Variants in ADAMTS12 observed in about 807,000 individuals in gnomAD.
ADAMTS12 encodes the protein ADAM metallopeptidase with thrombospondin type 1 motif 12, also known as A disintegrin and metalloproteinase with thrombospondin motifs 12.
Under a neutral mutation model 167.8 loss-of-function variants are expected in ADAMTS12, and 118 were observed. The ratio of observed to expected loss-of-function variants is 0.70; its 90% confidence interval spans 0.61 to 0.82. The LOEUF is 0.82. Ranked by LOEUF, ADAMTS12 falls within the 40% of genes least tolerant of loss-of-function variation. The pLI is 0.00. For missense variants in ADAMTS12, 1,916 were observed against 1,998.8 expected, an observed-to-expected ratio of 0.96 and a Z score of 0.79; for synonymous variants, 704 against 716.9, an observed-to-expected ratio of 0.98 and a Z score of 0.29.
chr5:33,760,879 CTGTG>C (rs61110268), intron 2 of ADAMTS12, among the ~76,000 whole-genome samples: 84,064 of 145,334 alleles, frequency 0.58, 24,867 homozygotes, highest in Non-Finnish European at 0.67. Context: ...TGTCTTTGCT[CTGTG>C]TGTGTGTGTG....
intron 3 of ADAMTS12, among the ~76,000 whole-genome samples, chr5:33,710,068 T>G (rs1467159490): frequency 6.6e-6 from 1 of 152,154 alleles, no homozygotes; most frequent in Non-Finnish European, 1.5e-5. Flanking sequence ...TAAAATTGTG[T>G]GTCTTAGTCC....
At chr5:33,614,429 C>A in intron 15 of ADAMTS12, 53 bp from the exon 16 acceptor site, 1 of 1,595,388 alleles carries the variant, frequency 6.3e-7, no homozygotes, top group Non-Finnish European at 8.6e-7. Context: ...ATACCATAAG[C>A]CAGTCATGTA....
chr5:33,891,436 G>A, intron 1 of ADAMTS12: 1 of 364,474 alleles, frequency 2.7e-6, no homozygotes, highest in African/African-American at 2.1e-5. Flanking sequence ...TCAAAGAGGA[G>A]ACAAAAGAGA....
chr5:33,619,975 GA>G (rs1237264109), intron 14 of ADAMTS12, among the ~76,000 whole-genome samples: 15 of 152,184 alleles, frequency 9.9e-5, no homozygotes, highest in Middle Eastern at 3.2e-3. Flanking sequence ...TTACAGGCGT[GA>G]GCCACTGCAT....
intron 3 of ADAMTS12, among the ~76,000 whole-genome samples, chr5:33,724,383 A>C (rs114971927): frequency 1.3e-5 from 2 of 151,904 alleles, no homozygotes; most frequent in African/African-American, 4.8e-5. Context: ...CCTTTATTTA[A>C]TTATGCTAAA....
intron 20 of ADAMTS12, among the ~76,000 whole-genome samples, chr5:33,560,304 A>G (rs75576577): frequency 1.3e-5 from 2 of 151,286 alleles, no homozygotes; most frequent in East Asian, 1.9e-4. Context: ...AGAAAGGTAG[A>G]AAAAAAAACA....
At chr5:33,704,076 T>C (rs1743100153) in intron 3 of ADAMTS12, among the ~76,000 whole-genome samples, 1 of 152,238 alleles carries the variant, frequency 6.6e-6, no homozygotes, top group Non-Finnish European at 1.5e-5. Flanking sequence ...CAAACTTCTT[T>C]ACGCAGCTTA....
intron 5 of ADAMTS12, among the ~76,000 whole-genome samples, chr5:33,676,707 C>CAGAGAGAGAG (rs66523760): frequency 6.7e-6 from 1 of 149,020 alleles, no homozygotes; most frequent in African/African-American, 2.5e-5. Context: ...CACACACACA[C>CAGAGAGAGAG]AGAGAGAGAG....
At chr5:33,874,439 G>A (rs35138788) in intron 2 of ADAMTS12, among the ~76,000 whole-genome samples, 3,882 of 152,244 alleles carry the variant, frequency 0.025, 163 homozygotes, top group East Asian at 0.2. Flanking sequence ...CCAAATGCTG[G>A]CAAAGATATG....
chr5:33,763,956 C>T (rs902023784), intron 2 of ADAMTS12, among the ~76,000 whole-genome samples: 8 of 152,116 alleles, frequency 5.3e-5, no homozygotes, highest in African/African-American at 1.7e-4. Flanking sequence ...ACAGGGAATG[C>T]ATACTTGATA....
intron 2 of ADAMTS12, among the ~76,000 whole-genome samples, chr5:33,879,060 C>A (rs1362759068): frequency 2.0e-5 from 3 of 152,138 alleles, no homozygotes; most frequent in African/African-American, 7.2e-5. Flanking sequence ...ATATAGGTTT[C>A]TTTGTGGGCT....
rs16891281 is a variant in ADAMTS12, at chr5:33,527,202, A to G, written c.4771T>C (p.Ser1591Pro). The G allele has an allele frequency of 0.012, 19,968 of 1,613,842 alleles. 2,162 individuals carry two copies. In the African/African-American group the frequency reaches 0.23, roughly 19 times the overall value. ...RQRRQRLLQK[S>P]KEL ...TCCTTTTGGGCTTAGAGTTCTTTTGACTTTTGGAGCAACCGTTGCCTTCTT... is the reference window on the plus strand; with the variant it reads ...TCCTTTTGGGCTTAGAGTTCTTTTGGCTTTTGGAGCAACCGTTGCCTTCTT... Residue 1591 changes from serine (S) to proline (P), a missense_variant, in exon 24 of 24, where the codon TCA becomes CCA. Transcript: ENST00000504830.
intron 2 of ADAMTS12, among the ~76,000 whole-genome samples, chr5:33,810,319 C>G (rs1437613818): frequency 6.6e-6 from 1 of 152,088 alleles, no homozygotes; most frequent in Non-Finnish European, 1.5e-5. Flanking sequence ...TCTAAAAATC[C>G]CATGTTCACA....
At chr5:33,829,430 C>A (rs1026370956) in intron 2 of ADAMTS12, among the ~76,000 whole-genome samples, 1 of 152,176 alleles carries the variant, frequency 6.6e-6, no homozygotes, top group African/African-American at 2.4e-5. Context: ...AAACTCACTA[C>A]TCTTCTTTCC....
Position 33,588,580 on chromosome 5 carries a change from C to A in ADAMTS12, c.2865+19G>T, listed in dbSNP as rs1328405010. On this transcript the variant is annotated intron_variant, in intron 18 of 23. Transcript: ENST00000504830. ...GAAGCTTGAATAATGCCAGTTTCCC[C>A]GCCGAGCCCTGAGCTCACCTCACTC... is the stretch of plus-strand genomic sequence containing the variant. The A allele has an allele frequency of 3.7e-5, 60 of 1,612,190 alleles. 1 individual carries two copies. In the Admixed American group the frequency reaches 9.5e-4, roughly 26 times the overall value.
Position 33,657,407 on chromosome 5 carries a change from G to A in ADAMTS12, c.1190+777C>T, listed in dbSNP as rs75952680. 3.3e-5 allele frequency among the ~76,000 whole-genome samples: 5 copies of A among 152,252 alleles called. No homozygotes were observed. In the East Asian group the frequency reaches 9.7e-4, roughly 29 times the overall value. ...AGCTGTTCATGTGCCTCCCCACCCA[G>A]TTTCCTATTAGTATGATGCTCTCTT... On this transcript the variant is annotated intron_variant, in intron 7 of 23. Coordinates refer to ENST00000504830, the MANE Select transcript of ADAMTS12 (RefSeq NM_030955.4).
chr5:33,611,090 C>T (rs1738705703), intron 16 of ADAMTS12, among the ~76,000 whole-genome samples: 1 of 151,942 alleles, frequency 6.6e-6, no homozygotes, highest in African/African-American at 2.4e-5. Flanking sequence ...TGTGGATTTA[C>T]CTCAAAAGCA....
chr5:33,808,830 A>G (rs972176281), intron 2 of ADAMTS12, among the ~76,000 whole-genome samples: 1 of 152,196 alleles, frequency 6.6e-6, no homozygotes, highest in African/African-American at 2.4e-5. Context: ...AAGTTACACA[A>G]ACAAAAAGAT....
intron 2 of ADAMTS12, among the ~76,000 whole-genome samples, chr5:33,844,922 A>G (rs1748888545): frequency 6.6e-6 from 1 of 152,134 alleles, no homozygotes; most frequent in South Asian, 2.1e-4. Context: ...ATAGAAAAGA[A>G]CCTACATGAC....
Sources: gnomAD v4.1 joint callset for allele counts (sites outside exome capture counted in the v4.1 genomes callset) on GRCh38, gnomAD v4.1.1 for gene constraint, MANE v1.5 for transcripts, NCBI Gene and HGNC (gene_info 2026-07-23, HGNC 2026-07-21) for gene names.